Variants in GRIP1 observed in about 807,000 individuals in gnomAD.
GRIP1 encodes the protein glutamate receptor interacting protein 1, also known as glutamate receptor-interacting protein 1.
GRIP1 carries 45 observed loss-of-function variants against 129.9 expected under a neutral mutation model. The ratio of observed to expected loss-of-function variants is 0.35; its 90% CI spans 0.27 to 0.44. The LOEUF is 0.44. GRIP1 is among the 20% of genes least tolerant of loss of function. GRIP1 has a pLI of 1.00. For synonymous variants in GRIP1, 530 were observed against 520.8 expected, an observed-to-expected ratio of 1.02 and a Z score of -0.24; for missense variants, 1,196 against 1,396.8, an observed-to-expected ratio of 0.86 and a Z score of 2.29.
intron 1 of GRIP1, among the ~76,000 whole-genome samples, chr12:66,646,403 C>T (rs1453063935): frequency 6.6e-6 from 1 of 152,134 alleles, no homozygotes; most frequent in Non-Finnish European, 1.5e-5. Context: ...GCAGGTGGAA[C>T]ATTTGAGGTC....
chr12:67,052,016 A>G (rs1323800731), intron 1 of GRIP1, among the ~76,000 whole-genome samples: 1 of 152,240 alleles, frequency 6.6e-6, no homozygotes, highest in Non-Finnish European at 1.5e-5. Flanking sequence ...GTCAGGCTGA[A>G]CCACATATCA....
chr12:66,637,240 GATAA>G (rs2031481836), intron 1 of GRIP1, among the ~76,000 whole-genome samples: 1 of 151,956 alleles, frequency 6.6e-6, no homozygotes. Flanking sequence ...AATAAAAAAA[GATAA>G]ATAAGTTTAA....
intron 1 of GRIP1, among the ~76,000 whole-genome samples, chr12:67,003,484 G>A (rs902767235): frequency 6.6e-6 from 1 of 152,066 alleles, no homozygotes; most frequent in Non-Finnish European, 1.5e-5. Flanking sequence ...CTGAGCTCAG[G>A]AGTTCAAGAC....
At chr12:67,043,058 A>AG (rs1232712715) in intron 1 of GRIP1, among the ~76,000 whole-genome samples, 1 of 152,126 alleles carries the variant, frequency 6.6e-6, no homozygotes, top group African/African-American at 2.4e-5. Flanking sequence ...TGAGTAGATA[A>AG]GGGCTGGCAG....
chr12:66,964,125 A>C (rs1437721549), intron 1 of GRIP1, among the ~76,000 whole-genome samples: 1 of 152,158 alleles, frequency 6.6e-6, no homozygotes, highest in Admixed American at 6.5e-5. Flanking sequence ...GCTTGAGGCC[A>C]CATTCCAAAT....
intron 1 of GRIP1, among the ~76,000 whole-genome samples, chr12:66,839,927 G>A (rs948841664): frequency 3.3e-5 from 5 of 152,164 alleles, no homozygotes; most frequent in African/African-American, 1.2e-4. Context: ...TATTTGATAA[G>A]TGTGTTTAAT....
chr12:67,058,900 G>T (rs1197581235), intron 1 of GRIP1, among the ~76,000 whole-genome samples: 1 of 152,160 alleles, frequency 6.6e-6, no homozygotes, highest in Admixed American at 6.5e-5. Context: ...AGAGAAAAAA[G>T]GAAAGGAGGA....
chr12:66,348,921 GTTGA>G lies in GRIP1; in HGVS notation c.*94_*97del, dbSNP rs372783677. ...CCCCTGTGCTTGCAGTTAATGCCAC[GTTGA>G]TTGATTATCTGTGCTTCAAAGGTCA... On this transcript the variant is annotated 3_prime_UTR_variant, in exon 25 of 25. Transcript: ENST00000359742. 2.8e-4 allele frequency: 250 copies of G among 879,598 alleles called. 1 individual carries two copies. The African/African-American group carries it at 3.6e-3, about 13-fold the overall frequency. The allele number at this position is 879,598 out of a possible 1,614,324, so 54.5% of individuals were successfully genotyped here. A position where few individuals can be genotyped will look rare whatever the true frequency, so the allele number is the denominator to read the frequency against.
At chr12:66,801,332 T>C (rs181799498) in intron 1 of GRIP1, among the ~76,000 whole-genome samples, 47 of 152,242 alleles carry the variant, frequency 3.1e-4, no homozygotes, top group Admixed American at 1.8e-3. Context: ...CTCATGTACA[T>C]TGACATACAT....
chr12:66,646,589 T>C (rs1046242324), intron 1 of GRIP1, among the ~76,000 whole-genome samples: 6 of 152,258 alleles, frequency 3.9e-5, no homozygotes, highest in South Asian at 4.1e-4. Context: ...AGAGAGGTAC[T>C]GCTTTCCTTC....
At chr12:67,021,165 C>A (rs540618359) in intron 1 of GRIP1, among the ~76,000 whole-genome samples, 53 of 152,188 alleles carry the variant, frequency 3.5e-4, no homozygotes, top group African/African-American at 1.2e-3. Context: ...ACCCAAGAAA[C>A]CATCACCACA....
intron 23 of GRIP1, 58 bp downstream of exon 23, chr12:66,371,636 T>A: frequency 9.3e-7 from 1 of 1,070,920 alleles, no homozygotes. Context: ...TCGGCGTACA[T>A]GCTATGCAGA....
intron 1 of GRIP1, among the ~76,000 whole-genome samples, chr12:66,898,572 CATAT>C (rs1382088487): frequency 6.6e-6 from 1 of 152,116 alleles, no homozygotes; most frequent in Non-Finnish European, 1.5e-5. Flanking sequence ...CCTCAAAATT[CATAT>C]ATATACACTC....
intron 1 of GRIP1, among the ~76,000 whole-genome samples, chr12:66,830,028 C>T (rs2039488906): frequency 6.6e-6 from 1 of 152,148 alleles, no homozygotes; most frequent in African/African-American, 2.4e-5. Context: ...ATGCTGCAGG[C>T]TAGAATACAG....
At chr12:66,826,186 G>T (rs1190451864) in intron 1 of GRIP1, among the ~76,000 whole-genome samples, 1 of 152,114 alleles carries the variant, frequency 6.6e-6, no homozygotes, top group Non-Finnish European at 1.5e-5. Flanking sequence ...ATCATTCTCA[G>T]CAAACTAATG....
At chr12:66,973,457 G>T (rs1592412938) in intron 1 of GRIP1, among the ~76,000 whole-genome samples, 2 of 141,998 alleles carry the variant, frequency 1.4e-5, no homozygotes, top group South Asian at 4.5e-4. Context: ...TAATTCCCCT[G>T]GTTCAGATCC....
Position 66,529,926 on chromosome 12 carries a change from A to G in GRIP1, c.419-12T>C. 1 of 1,494,448 alleles carries G rather than the reference A, an allele frequency of 6.7e-7. No individual in the cohort carries two copies. The highest frequency in any genetic ancestry group is 9.3e-7 in the Non-Finnish European group (1 of 1,070,804). 92.6% of individuals were successfully genotyped at this position (1,494,448 alleles called of 1,614,324 possible). On this transcript the variant is annotated splice_polypyrimidine_tract_variant and intron_variant, in intron 4 of 24. Transcript: ENST00000359742. ...TGATCCTTGCACAGCTGAATAAAGG[A>G]AAGAGAGAAGGAAATATAACTTGTA...
chr12:66,919,325 CAGAGCTA>C (rs1396596404), intron 1 of GRIP1, among the ~76,000 whole-genome samples: 4 of 152,170 alleles, frequency 2.6e-5, no homozygotes, highest in African/African-American at 9.7e-5. Context: ...GAGAACAGAA[CAGAGCTA>C]AGATTATTAT....
chr12:66,533,880 TACACACA>T, intron 4 of GRIP1, among the ~76,000 whole-genome samples: 1 of 128,778 alleles, frequency 7.8e-6, no homozygotes, highest in African/African-American at 2.8e-5. Flanking sequence ...CACACACACA[TACACACA>T]CTCTCTCTCT....
Sources: allele counts gnomAD v4.1 joint callset (sites outside exome capture counted in the v4.1 genomes callset), GRCh38; gene constraint gnomAD v4.1.1; transcripts MANE v1.5; gene names NCBI Gene and HGNC (gene_info 2026-07-23, HGNC 2026-07-21).